The following MYO5A variants were observed in gnomAD, a reference collection of about 807,000 sequenced individuals.
MYO5A encodes myosin VA, also known as unconventional myosin-Va.
Under a neutral mutation model 249.7 loss-of-function variants are expected in MYO5A, and 98 were observed. The ratio of observed to expected loss-of-function variants is 0.39; its 90% confidence interval spans 0.33 to 0.46. The LOEUF is 0.46. MYO5A is among the 20% of genes least tolerant of loss of function. MYO5A has a pLI of 0.98. For missense variants in MYO5A, 1,696 were observed against 2,308.8 expected (o/e 0.73, Z 5.44); for synonymous variants, 778 against 810.6 (o/e 0.96, Z 0.68).
In MYO5A at chr15:52,389,444, T is replaced by C. The variant is rs1041800009; in HGVS notation, c.1543-81A>G. ...AAAGCATCAGCTGTCAAAAGATCTT[T>C]TATTTTTTTTTTTTGGCTTTAACTA... On this transcript the variant is annotated intron_variant, in intron 12 of 41. Transcript: ENST00000399233. 25 of 1,381,826 alleles carry C rather than the reference T, an allele frequency of 1.8e-5. No individual in the cohort carries two copies. The African/African-American group carries it at 3.1e-4, about 17-fold the overall frequency. 85.6% of individuals were successfully genotyped at this position (1,381,826 alleles called of 1,614,324 possible).
At chr15:52,462,517 C>T (rs143505210) in intron 1 of MYO5A, among the ~76,000 whole-genome samples, 1,646 of 151,944 alleles carry the variant, frequency 0.011, 12 homozygotes, top group Middle Eastern at 0.027. Context: ...CATGATAAGA[C>T]AATTACTAGA....
At chr15:52,451,333 A>G (rs756517369) in intron 1 of MYO5A, among the ~76,000 whole-genome samples, 2 of 152,056 alleles carry the variant, frequency 1.3e-5, no homozygotes, top group African/African-American at 2.4e-5. Context: ...TACAGCCACC[A>G]CCAAATCCTA....
chr15:52,408,069 C>G lies in MYO5A; in HGVS notation c.828G>C (p.Met276Ile). Residue 276 changes from methionine (M) to isoleucine (I), a missense_variant, in exon 7 of 42, where the codon ATG (methionine) becomes ATC (isoleucine). Met to Ile is a conservative substitution (Grantham distance 10). Coordinates refer to ENST00000399233, the MANE Select transcript of MYO5A (RefSeq NM_001382347.1). Reference sequence around the variant, plus strand: ...ATGCCATATTCATACCTAATCGTAGCATTTTAAATTCAGGTAACTTTGCTG... The same window carrying G: ...ATGCCATATTCATACCTAATCGTAGGATTTTAAATTCAGGTAACTTTGCTG... Reference protein sequence around the residue: ...CASAKLPEFKMLRLGNADNFN... With the variant: ...CASAKLPEFKILRLGNADNFN... The G allele has an allele frequency of 6.3e-7, 1 of 1,583,740 alleles. No homozygotes were observed. The highest frequency in any genetic ancestry group is 8.7e-7 in the Non-Finnish European group (1 of 1,153,168).
At chr15:52,386,877 G>A (rs1212616314) in intron 14 of MYO5A, among the ~76,000 whole-genome samples, 1 of 152,120 alleles carries the variant, frequency 6.6e-6, no homozygotes, top group Admixed American at 6.5e-5. Flanking sequence ...TTAAAACTGG[G>A]ATTTGGTCTT....
rs185892470 is a variant in MYO5A, at chr15:52,395,692, A to G, written c.1401+624T>C. ...AACTAACTTGCCCAAGGTCTCCTAG[A>G]TAACTGACACAGGGTAGGATTCCAA... On this transcript the variant is annotated intron_variant, in intron 11 of 41. Transcript: ENST00000399233. Among the ~76,000 whole-genome samples the G allele has an allele frequency of 1.0e-3, 152 of 152,286 alleles. 1 individual carries two copies. Among genetic ancestry groups the G allele is most frequent in the East Asian group, 9.6e-3 (50 of 5,182 alleles).
chr15:52,427,405 T>C (rs1304277903), intron 3 of MYO5A, among the ~76,000 whole-genome samples: 2 of 151,760 alleles, frequency 1.3e-5, no homozygotes, highest in Middle Eastern at 3.4e-3. Flanking sequence ...TAAATTGTAA[T>C]AAGGAAAAGA....
At chr15:52,419,594 T>C (rs999516488) in intron 4 of MYO5A, among the ~76,000 whole-genome samples, 1 of 152,206 alleles carries the variant, frequency 6.6e-6, no homozygotes, top group African/African-American at 2.4e-5. Context: ...AAATATTTAC[T>C]ATAAAAATGG....
At chr15:52,358,644 C>G (rs7168251) in intron 25 of MYO5A, among the ~76,000 whole-genome samples, 14,800 of 152,120 alleles carry the variant, frequency 0.097, 2,242 homozygotes, top group African/African-American at 0.33. Flanking sequence ...TGCTGCTGAA[C>G]AGAGGCTACA....
intron 1 of MYO5A, among the ~76,000 whole-genome samples, chr15:52,450,611 A>G (rs2075995584): frequency 6.6e-6 from 1 of 151,558 alleles, no homozygotes; most frequent in South Asian, 2.1e-4. Context: ...GGAGGCTGCA[A>G]GAGCCAAGAT....
intron 6 of MYO5A, among the ~76,000 whole-genome samples, chr15:52,408,998 G>A (rs2043131944): frequency 6.6e-6 from 1 of 152,150 alleles, no homozygotes; most frequent in African/African-American, 2.4e-5. Context: ...CTGTGAGTCT[G>A]CAGAAATGCT....
Position 52,313,406 on chromosome 15 carries a change from T to C in MYO5A, c.*290A>G. Reference sequence around the variant, plus strand: ...AAATGCTGCCAGCTGAAGACACATTTTTCTCCTCCTTTCCTTCCTCCCTTC... The same window carrying C: ...AAATGCTGCCAGCTGAAGACACATTCTTCTCCTCCTTTCCTTCCTCCCTTC... On this transcript the variant is annotated 3_prime_UTR_variant, in exon 42 of 42. Transcript: ENST00000399233. 1 of 404,786 alleles carries C rather than the reference T, an allele frequency of 2.5e-6. No individual in the cohort carries two copies. Among genetic ancestry groups the C allele is most frequent in the Non-Finnish European group, 4.6e-6 (1 of 216,244 alleles). 25.1% of individuals were successfully genotyped at this position (404,786 alleles called of 1,614,324 possible). A position where few individuals can be genotyped will look rare whatever the true frequency, so the allele number is the denominator to read the frequency against.
rs370266611 is a variant in MYO5A at position 52,442,161 on chromosome 15, G to T, written c.28-8876C>A. 3.3e-5 allele frequency among the ~76,000 whole-genome samples: 5 copies of T among 151,992 alleles called. No individual in the cohort carries two copies. In the East Asian group the frequency reaches 5.8e-4, roughly 18 times the overall value. The stretch of plus-strand genomic sequence containing the variant: ...CCTTCATGTTCATGTGTTTAGAGTG[G>T]AAGCTACCCCAAACCTCCAGAACAG... On this transcript the variant is annotated intron_variant, in intron 1 of 41. Coordinates refer to ENST00000399233, the MANE Select transcript of MYO5A (RefSeq NM_001382347.1).
chr15:52,501,062 C>T lies in MYO5A; in HGVS notation c.27+27718G>A, dbSNP rs567533644. ...TTGGCTCGCTGCAAGCTCCGCCTCC[C>T]GGGTTCACGCCATTCTCCTGCCTCA... On this transcript the variant is annotated intron_variant, in intron 1 of 41. Transcript: ENST00000399233. Among the ~76,000 whole-genome samples, 21 of 151,950 alleles carry T rather than the reference C, an allele frequency of 1.4e-4. No individual in the cohort carries two copies. The East Asian group carries it at 3.7e-3, about 27-fold the overall frequency.
chr15:52,400,965 C>A (rs895996521), intron 9 of MYO5A, among the ~76,000 whole-genome samples: 3 of 152,020 alleles, frequency 2.0e-5, no homozygotes, highest in African/African-American at 7.2e-5. Flanking sequence ...TTTCTTCTTG[C>A]ATCTTAGATC....
intron 1 of MYO5A, among the ~76,000 whole-genome samples, chr15:52,503,836 T>C (rs948907201): frequency 2.0e-5 from 3 of 152,336 alleles, no homozygotes; most frequent in African/African-American, 7.2e-5. Flanking sequence ...CTACCTCTAC[T>C]TTAACTTTCC....
At chr15:52,439,557 T>C (rs2075741964) in intron 1 of MYO5A, among the ~76,000 whole-genome samples, 1 of 152,182 alleles carries the variant, frequency 6.6e-6, no homozygotes, top group Non-Finnish European at 1.5e-5. Context: ...TATATGTTGA[T>C]TTTATTTAAG....
Position 52,330,550 on chromosome 15 carries a change from T to A in MYO5A, c.4409-51A>T, listed in dbSNP as rs775483160. ...GAAAATGTTTTCCATATAAAAAACA[T>A]GAGAGGTCTCCAAGTTCCTATAATT... On this transcript the variant is annotated intron_variant, in intron 34 of 41. Coordinates refer to ENST00000399233, the MANE Select transcript of MYO5A (RefSeq NM_001382347.1). The A allele has an allele frequency of 3.7e-6, 6 of 1,603,894 alleles. No homozygotes were observed. The South Asian group carries it at 5.5e-5, about 15-fold the overall frequency.
At position 52,458,024 on chromosome 15, in the gene MYO5A, T is replaced by C. The variant is rs117339578; in HGVS notation, c.28-24739A>G. ...AGCACAGAAAAACAAATATCACACA[T>C]TCTCATTCATATGTAAGCTACAAAA... On this transcript the variant is annotated intron_variant, in intron 1 of 41. Transcript: ENST00000399233. Among the ~76,000 whole-genome samples, 68 of 152,290 alleles carry C rather than the reference T, an allele frequency of 4.5e-4. 1 individual carries two copies. In the East Asian group the frequency reaches 7.1e-3, roughly 16 times the overall value.
intron 19 of MYO5A, among the ~76,000 whole-genome samples, chr15:52,376,038 A>G: frequency 6.6e-6 from 1 of 152,226 alleles, no homozygotes; most frequent in African/African-American, 2.4e-5. Flanking sequence ...AGTCATTATT[A>G]CCTAGCTCAT....
Sources: gnomAD v4.1 joint callset for allele counts (sites outside exome capture counted in the v4.1 genomes callset) on GRCh38, gnomAD v4.1.1 for gene constraint, MANE v1.5 for transcripts, NCBI Gene and HGNC (gene_info 2026-07-23, HGNC 2026-07-21) for gene names.